KHDC1: variants seen among roughly 807,000 people sequenced by gnomAD.
KHDC1 encodes the protein KH domain containing 1.
In KHDC1, 21 loss-of-function variants were observed where a neutral mutation model predicts 24.7. The ratio of observed to expected loss-of-function variants is 0.85; its 90% CI spans 0.60 to 1.23. The LOEUF is 1.23. Among genes scored for constraint, KHDC1 ranks in the 50% most tolerant of loss-of-function variants. The probability of loss-of-function intolerance (pLI) is 0.00; values close to 1 mark genes in which losing one functional copy is unlikely to be tolerated. For missense variants in KHDC1, 274 were observed against 298.5 expected, an observed-to-expected ratio of 0.92 and a Z score of 0.61; for synonymous variants, 98 against 111.7, an observed-to-expected ratio of 0.88 and a Z score of 0.77.
chr6:73,254,271 G>GCCAACATGGAGAAACCCCATCTCTA (rs1397223349), intron 2 of KHDC1, among the ~76,000 whole-genome samples: 4 of 151,804 alleles, frequency 2.6e-5, no homozygotes, highest in African/African-American at 4.8e-5. Context: ...GACCAGCCTG[G>GCCAACATGGAGAAACCCCATCTCTA]CCAACATGGA....
At chr6:73,292,483 C>T in intron 1 of KHDC1, 2 of 771,448 alleles carry the variant, frequency 2.6e-6, no homozygotes, top group South Asian at 2.7e-5. Context: ...GAAAGCTGGC[C>T]TCTGAAATCT....
At chr6:73,278,178 A>ATTTT (rs34114549) in intron 2 of KHDC1, among the ~76,000 whole-genome samples, 1 of 131,494 alleles carries the variant, frequency 7.6e-6, no homozygotes, top group African/African-American at 2.9e-5. Flanking sequence ...CGCCTGGCCA[A>ATTTT]TTTTTTTTTT....
intron 2 of KHDC1, among the ~76,000 whole-genome samples, chr6:73,280,826 C>CT (rs1455572519): frequency 6.6e-6 from 1 of 151,318 alleles, no homozygotes; most frequent in Non-Finnish European, 1.5e-5. Context: ...AACCTAATTT[C>CT]TTTTTTAATA....
intron 1 of KHDC1, among the ~76,000 whole-genome samples, chr6:73,308,999 T>A (rs1166789717): frequency 1.3e-5 from 2 of 152,142 alleles, no homozygotes; most frequent in Non-Finnish European, 2.9e-5. Context: ...CTAATTTTTG[T>A]ATTTTTAGTA....
At chr6:73,247,318 G>A (rs1234053093) in intron 2 of KHDC1, among the ~76,000 whole-genome samples, 1 of 152,030 alleles carries the variant, frequency 6.6e-6, no homozygotes, top group Non-Finnish European at 1.5e-5. Flanking sequence ...GAAATGTATT[G>A]GGATGTATTT....
chr6:73,254,942 C>A (rs1766854129), intron 2 of KHDC1, among the ~76,000 whole-genome samples: 1 of 151,332 alleles, frequency 6.6e-6, no homozygotes, highest in Non-Finnish European at 1.5e-5. Flanking sequence ...GCAGAGTTTG[C>A]AGTGAGTGGA....
At chr6:73,309,968 A>G (rs937271091) in exon 1 of KHDC1, 4 of 463,046 alleles carry the variant, frequency 8.6e-6, no homozygotes, top group East Asian at 8.5e-5. Flanking sequence ...CCAGGGCTCA[A>G]GCTCCAGGCT....
chr6:73,281,274 G>A (rs1157360712), intron 2 of KHDC1, among the ~76,000 whole-genome samples: 1 of 151,906 alleles, frequency 6.6e-6, no homozygotes. Context: ...GGGAGGCAGA[G>A]GTTGCAGTGA....
chr6:73,243,081 G>A (rs1472880989), intron 2 of KHDC1, among the ~76,000 whole-genome samples: 1 of 152,042 alleles, frequency 6.6e-6, no homozygotes, highest in Non-Finnish European at 1.5e-5. Context: ...AGGGTGTAGC[G>A]GCCAGTTTTC....
At chr6:73,258,084 T>C (rs932129852) in intron 2 of KHDC1, among the ~76,000 whole-genome samples, 3 of 152,138 alleles carry the variant, frequency 2.0e-5, no homozygotes, top group Non-Finnish European at 2.9e-5. Flanking sequence ...GGTGAAACTC[T>C]GTCTCTACTA....
chr6:73,280,919 G>C (rs9446880), intron 2 of KHDC1, among the ~76,000 whole-genome samples: 5 of 150,648 alleles, frequency 3.3e-5, no homozygotes, highest in African/African-American at 1.2e-4. Flanking sequence ...ACATCCTTTA[G>C]AAGTTTTGGC....
At chr6:73,298,413 T>C (rs1341166805) in intron 1 of KHDC1, among the ~76,000 whole-genome samples, 1 of 148,196 alleles carries the variant, frequency 6.7e-6, no homozygotes, top group East Asian at 2.0e-4. Flanking sequence ...AAGGACTCTA[T>C]ACTTTGCAAA....
intron 2 of KHDC1, among the ~76,000 whole-genome samples, chr6:73,288,323 A>T (rs1767559527): frequency 6.6e-6 from 1 of 152,222 alleles, no homozygotes; most frequent in Non-Finnish European, 1.5e-5. Context: ...AGAAAAGATC[A>T]GAAACAGTTT....
intron 4 of KHDC1, 130 bp downstream of exon 3, chr6:73,241,925 C>T: frequency 2.6e-6 from 3 of 1,143,054 alleles, no homozygotes; most frequent in South Asian, 3.2e-5. Context: ...ACTTTTCTTC[C>T]CAATGGACTC....
chr6:73,245,098 G>A (rs1400643706), intron 2 of KHDC1, among the ~76,000 whole-genome samples: 1 of 152,078 alleles, frequency 6.6e-6, no homozygotes, highest in Non-Finnish European at 1.5e-5. Context: ...GGACAATGAG[G>A]TACTTTGATA....
At chr6:73,267,519 C>T (rs531446134) in intron 2 of KHDC1, among the ~76,000 whole-genome samples, 11 of 152,104 alleles carry the variant, frequency 7.2e-5, no homozygotes, top group African/African-American at 2.6e-4. Context: ...ATGGAAAAGA[C>T]AAAATTGTTG....
At chr6:73,304,808 A>G (rs989456194) in intron 1 of KHDC1, among the ~76,000 whole-genome samples, 2 of 152,190 alleles carry the variant, frequency 1.3e-5, no homozygotes, top group East Asian at 3.8e-4. Context: ...TCAGTCACCA[A>G]CATAGCTGGT....
chr6:73,252,976 T>G (rs1766808155), intron 2 of KHDC1, among the ~76,000 whole-genome samples: 1 of 152,214 alleles, frequency 6.6e-6, no homozygotes, highest in Admixed American at 6.5e-5. Context: ...CTTTTGGTTT[T>G]TTAAACTATG....
At chr6:73,276,749 G>C (rs1767306888) in intron 2 of KHDC1, among the ~76,000 whole-genome samples, 1 of 152,224 alleles carries the variant, frequency 6.6e-6, no homozygotes, top group Non-Finnish European at 1.5e-5. Flanking sequence ...CCGAGGCCCT[G>C]TCTGAATCCT....
Sources: allele counts gnomAD v4.1 joint callset (sites outside exome capture counted in the v4.1 genomes callset), GRCh38; gene constraint gnomAD v4.1.1; transcripts MANE v1.5; gene names NCBI Gene and HGNC (gene_info 2026-07-23, HGNC 2026-07-21).